The following CTNND2 variants were observed in gnomAD, a reference collection of about 807,000 sequenced individuals.
CTNND2 encodes the protein catenin delta 2.
In CTNND2, 22 loss-of-function variants were observed where a neutral mutation model predicts 144.4. The ratio of observed to expected loss-of-function variants is 0.15; its 90% CI spans 0.11 to 0.22. CTNND2 has a LOEUF of 0.22. Among genes scored for constraint, CTNND2 ranks in the 10% least tolerant of loss-of-function variants. The probability of loss-of-function intolerance (pLI) is 1.00; values close to 1 mark genes in which losing one functional copy is unlikely to be tolerated. For missense variants in CTNND2, 1,353 were observed against 1,618.8 expected, an observed-to-expected ratio of 0.84 and a Z score of 2.82; for synonymous variants, 751 against 695.6, an observed-to-expected ratio of 1.08 and a Z score of -1.25.
At chr5:11,103,562 C>T (rs887366724) in intron 14 of CTNND2, among the ~76,000 whole-genome samples, 3 of 151,880 alleles carry the variant, frequency 2.0e-5, no homozygotes, top group Admixed American at 1.3e-4. Flanking sequence ...TCCAGCTACT[C>T]AGGAGACTGA....
chr5:10,994,691 T>C (rs1285106400), intron 18 of CTNND2, among the ~76,000 whole-genome samples: 3 of 151,868 alleles, frequency 2.0e-5, no homozygotes, highest in South Asian at 2.1e-4. Context: ...GCTTCGCTGG[T>C]GTGAGAACAG....
At chr5:11,229,610 C>G (rs538164126) in intron 10 of CTNND2, among the ~76,000 whole-genome samples, 1 of 151,866 alleles carries the variant, frequency 6.6e-6, no homozygotes, top group East Asian at 1.9e-4. Context: ...TTTTAAACCA[C>G]TAAGATACAT....
At chr5:10,990,646 G>A (rs1738573868) in intron 19 of CTNND2, among the ~76,000 whole-genome samples, 1 of 152,188 alleles carries the variant, frequency 6.6e-6, no homozygotes, top group Non-Finnish European at 1.5e-5. Flanking sequence ...CCAGATGGTG[G>A]TGTTTATTAA....
At chr5:11,641,444 G>GATATATAT (rs35126010) in intron 2 of CTNND2, among the ~76,000 whole-genome samples, 247 of 134,470 alleles carry the variant, frequency 1.8e-3, no homozygotes, top group Middle Eastern at 8.3e-3. Context: ...GGAGTAAAAG[G>GATATATAT]ATATATATAT....
intron 3 of CTNND2, among the ~76,000 whole-genome samples, chr5:11,472,186 T>C (rs1244692737): frequency 2.0e-5 from 3 of 152,192 alleles, no homozygotes; most frequent in Non-Finnish European, 4.4e-5. Flanking sequence ...TTATAACTGT[T>C]GGACAACTTT....
intron 21 of CTNND2, among the ~76,000 whole-genome samples, chr5:10,978,945 G>A (rs1015712729): frequency 2.0e-4 from 30 of 152,216 alleles, no homozygotes; most frequent in African/African-American, 7.2e-4. Context: ...TAGATGGCAA[G>A]CAGTCTTTTG....
intron 9 of CTNND2, among the ~76,000 whole-genome samples, chr5:11,274,202 T>G (rs1746296142): frequency 6.6e-6 from 1 of 152,228 alleles, no homozygotes; most frequent in Non-Finnish European, 1.5e-5. Context: ...ACAGTTGTAC[T>G]CATCCTAGAA....
At chr5:11,232,800 T>C (rs1158620321) in intron 10 of CTNND2, among the ~76,000 whole-genome samples, 4 of 152,180 alleles carry the variant, frequency 2.6e-5, no homozygotes, top group African/African-American at 4.8e-5. Context: ...AGGCATGGAA[T>C]GATATCGTTT....
chr5:11,121,320 T>C (rs960842282), intron 12 of CTNND2, among the ~76,000 whole-genome samples: 1 of 152,220 alleles, frequency 6.6e-6, no homozygotes, highest in African/African-American at 2.4e-5. Context: ...CTCCCTCCCA[T>C]TGTACTTAAA....
At chr5:11,399,497 A>T (rs1344903359) in intron 5 of CTNND2, among the ~76,000 whole-genome samples, 1 of 152,208 alleles carries the variant, frequency 6.6e-6, no homozygotes, top group Non-Finnish European at 1.5e-5. Context: ...GTATATTCTG[A>T]ATAGACTCAT....
In CTNND2 at chr5:11,333,681, CCTT is replaced by C. The variant is rs1440408749; in HGVS notation, c.1628+12688_1628+12690del. On this transcript the variant is annotated intron_variant, in intron 9 of 21. Coordinates refer to ENST00000304623, the MANE Select transcript of CTNND2 (RefSeq NM_001332.4). Reference sequence around the variant, plus strand: ...ACCAGATAGGGAAGAGTAGGGATGACCTTCTCTGCTTCACCACGTCTGGGAGCT... The same window carrying C: ...ACCAGATAGGGAAGAGTAGGGATGACCTCTGCTTCACCACGTCTGGGAGCT... Among the ~76,000 whole-genome samples, 3 of 152,314 alleles carry C rather than the reference CCTT, an allele frequency of 2.0e-5. No individual in the cohort carries two copies. In the East Asian group the frequency reaches 5.8e-4, roughly 29 times the overall value.
At chr5:11,842,723 C>A (rs6554650) in intron 1 of CTNND2, among the ~76,000 whole-genome samples, 147,103 of 149,440 alleles carry the variant, frequency 0.98, 72,438 homozygotes, top group Middle Eastern at 1. Flanking sequence ...GGTCTCAGAA[C>A]AAAAAAAAAA....
chr5:11,813,848 G>T (rs375115089), intron 1 of CTNND2, among the ~76,000 whole-genome samples: 1 of 152,092 alleles, frequency 6.6e-6, no homozygotes, highest in South Asian at 2.1e-4. Flanking sequence ...GCATGTAACT[G>T]ACAAATGAAC....
intron 9 of CTNND2, among the ~76,000 whole-genome samples, chr5:11,291,266 A>G (rs1748322432): frequency 6.6e-6 from 1 of 152,114 alleles, no homozygotes; most frequent in Non-Finnish European, 1.5e-5. Flanking sequence ...TTTTTTTTCA[A>G]TAATATTAAA....
intron 10 of CTNND2, among the ~76,000 whole-genome samples, chr5:11,209,406 G>A (rs1406624480): frequency 6.6e-6 from 1 of 152,162 alleles, no homozygotes; most frequent in Non-Finnish European, 1.5e-5. Flanking sequence ...GTGTACTTAG[G>A]AGCTAACGTG....
At chr5:11,708,950 T>C (rs1037830147) in intron 2 of CTNND2, among the ~76,000 whole-genome samples, 5 of 152,160 alleles carry the variant, frequency 3.3e-5, no homozygotes, top group African/African-American at 1.2e-4. Flanking sequence ...TCACCTAACA[T>C]AGTGCCTTTG....
At chr5:11,711,420 T>A (rs1786028682) in intron 2 of CTNND2, among the ~76,000 whole-genome samples, 1 of 152,204 alleles carries the variant, frequency 6.6e-6, no homozygotes, top group Non-Finnish European at 1.5e-5. Context: ...AATTTTAACA[T>A]GTAGGGCATG....
chr5:11,075,705 C>T (rs1013241047), intron 16 of CTNND2, among the ~76,000 whole-genome samples: 1 of 152,242 alleles, frequency 6.6e-6, no homozygotes, highest in African/African-American at 2.4e-5. Context: ...GCGGTGGCCC[C>T]GCCAACAGGA....
At chr5:11,333,252 TTTCTA>T (rs557531135) in intron 9 of CTNND2, among the ~76,000 whole-genome samples, 3 of 152,140 alleles carry the variant, frequency 2.0e-5, no homozygotes, top group Non-Finnish European at 2.9e-5. Context: ...ACTTTTTTCT[TTTCTA>T]TTCTTTTCTT....
Sources: gnomAD v4.1 joint callset for allele counts (sites outside exome capture counted in the v4.1 genomes callset) on GRCh38, gnomAD v4.1.1 for gene constraint, MANE v1.5 for transcripts, NCBI Gene and HGNC (gene_info 2026-07-23, HGNC 2026-07-21) for gene names.